Variants in RAB27A observed in about 807,000 individuals in gnomAD.
RAB27A encodes the protein ras-related protein Rab-27A.
A neutral mutation model predicts 20.8 loss-of-function variants in RAB27A; 17 were observed. The ratio of observed to expected loss-of-function variants is 0.82; its 90% CI spans 0.56 to 1.23. RAB27A has a LOEUF of 1.23. RAB27A is among the 50% of genes most tolerant of loss of function. The pLI is 0.00. For synonymous variants in RAB27A, 85 were observed against 92.8 expected, an observed-to-expected ratio of 0.92 and a Z score of 0.48; for missense variants, 277 against 266.7, an observed-to-expected ratio of 1.04 and a Z score of -0.27.
At chr15:55,275,142 C>T (rs545765194) in intron 1 of RAB27A, among the ~76,000 whole-genome samples, 1 of 151,524 alleles carries the variant, frequency 6.6e-6, no homozygotes, top group African/African-American at 2.4e-5. Flanking sequence ...ATCCCAGCTA[C>T]TTGGGAGGAT....
chr15:55,307,100 C>G (rs1433036769), intron 2 of RAB27A, among the ~76,000 whole-genome samples: 3 of 151,934 alleles, frequency 2.0e-5, no homozygotes, highest in African/African-American at 7.3e-5. Flanking sequence ...GGGTCCTCCC[C>G]AGGATGTGTC....
intron 2 of RAB27A, among the ~76,000 whole-genome samples, chr15:55,296,224 G>A (rs1031302805): frequency 6.6e-6 from 1 of 151,204 alleles, no homozygotes; most frequent in Non-Finnish European, 1.5e-5. Context: ...ACTTGGTGTG[G>A]GGCCTGACGC....
intron 5 of RAB27A, among the ~76,000 whole-genome samples, chr15:55,226,152 A>G (rs1056673644): frequency 3.3e-5 from 5 of 152,200 alleles, no homozygotes; most frequent in Non-Finnish European, 5.9e-5. Flanking sequence ...TTCCTTAGGA[A>G]ACACACTAGC....
At chr15:55,305,580 C>G (rs1431935598) in intron 2 of RAB27A, among the ~76,000 whole-genome samples, 3 of 152,092 alleles carry the variant, frequency 2.0e-5, no homozygotes, top group African/African-American at 7.2e-5. Context: ...GAGGAGGCCC[C>G]AAGTCCGGTG....
At chr15:55,299,999 T>C (rs555828172) in intron 2 of RAB27A, among the ~76,000 whole-genome samples, 1 of 151,944 alleles carries the variant, frequency 6.6e-6, no homozygotes, top group East Asian at 2.0e-4. Context: ...TTTTTGTATT[T>C]CTAGTAGAGA....
intron 2 of RAB27A, among the ~76,000 whole-genome samples, chr15:55,308,070 G>A (rs1191091570): frequency 1.3e-5 from 2 of 152,106 alleles, no homozygotes; most frequent in Non-Finnish European, 2.9e-5. Context: ...ACTGGGGCTT[G>A]GTTTCCCGGA....
chr15:55,207,169 G>C (rs1244205697), intron 6 of RAB27A, among the ~76,000 whole-genome samples: 30 of 152,196 alleles, frequency 2.0e-4, no homozygotes, highest in Admixed American at 1.9e-3. Context: ...GAGAAGAAAA[G>C]AGGAACTTGC....
chr15:55,236,735 T>C (rs1056009772), intron 2 of RAB27A, among the ~76,000 whole-genome samples: 1 of 152,198 alleles, frequency 6.6e-6, no homozygotes, highest in Non-Finnish European at 1.5e-5. Flanking sequence ...ACATAATATT[T>C]GTATATTTTT....
upstream of RAB27A, among the ~76,000 whole-genome samples, chr15:55,294,589 G>GAAAA (rs1181179911): frequency 2.5e-3 from 72 of 29,124 alleles, no homozygotes; most frequent in Non-Finnish European, 3.1e-3. Flanking sequence ...CCCTGTCTCC[G>GAAAA]AAAAAAAAAA....
intron 2 of RAB27A, among the ~76,000 whole-genome samples, chr15:55,258,621 T>G (rs371989756): frequency 6.6e-6 from 1 of 152,232 alleles, no homozygotes; most frequent in East Asian, 1.9e-4. Flanking sequence ...CAAATTGCTG[T>G]CCAATATAGT....
chr15:55,313,600 G>A (rs762853169), intron 2 of RAB27A, among the ~76,000 whole-genome samples: 13 of 152,028 alleles, frequency 8.6e-5, no homozygotes, highest in African/African-American at 1.4e-4. Flanking sequence ...TACGCCAGGC[G>A]CAGTGGCTCA....
chr15:55,264,439 G>A (rs567196224), intron 2 of RAB27A, among the ~76,000 whole-genome samples: 1 of 152,214 alleles, frequency 6.6e-6, no homozygotes, highest in South Asian at 2.1e-4. Context: ...TAGAATAGAT[G>A]GGGATCTGTT....
chr15:55,217,215 T>C (rs1895346186), intron 6 of RAB27A, among the ~76,000 whole-genome samples: 1 of 152,114 alleles, frequency 6.6e-6, no homozygotes, highest in Non-Finnish European at 1.5e-5. Context: ...TCTGAGCAAT[T>C]TGAGGCAGTA....
intron 4 of RAB27A, among the ~76,000 whole-genome samples, chr15:55,229,133 T>C (rs1326969409): frequency 6.6e-6 from 1 of 152,176 alleles, no homozygotes; most frequent in Admixed American, 6.5e-5. Flanking sequence ...AAGAATCTCT[T>C]GACTCAGACC....
chr15:55,272,122 C>A (rs1897726065), intron 1 of RAB27A, among the ~76,000 whole-genome samples: 1 of 152,176 alleles, frequency 6.6e-6, no homozygotes, highest in South Asian at 2.1e-4. Context: ...TCTCAACCAT[C>A]AGGATATATA....
At chr15:55,250,246 G>C (rs1204560686) in intron 2 of RAB27A, among the ~76,000 whole-genome samples, 2 of 152,044 alleles carry the variant, frequency 1.3e-5, no homozygotes, top group East Asian at 1.9e-4. Flanking sequence ...TTACAGACTT[G>C]AGCCACTGCG....
intron 2 of RAB27A, among the ~76,000 whole-genome samples, chr15:55,295,489 C>G (rs1201844294): frequency 6.6e-6 from 1 of 152,156 alleles, no homozygotes; most frequent in Non-Finnish European, 1.5e-5. Flanking sequence ...GTGGCACATC[C>G]ATATAATGGG....
At chr15:55,216,498 C>T (rs1325144980) in intron 6 of RAB27A, among the ~76,000 whole-genome samples, 1 of 152,090 alleles carries the variant, frequency 6.6e-6, no homozygotes, top group Non-Finnish European at 1.5e-5. Flanking sequence ...TGCTACTGCA[C>T]TCCAGCCTGA....
rs926691560 is a variant in RAB27A at position 55,205,220 on chromosome 15, T to G, written c.*287A>C. On this transcript the variant is annotated 3_prime_UTR_variant, in exon 7 of 7. Transcript: ENST00000336787. ...CATAATAAATACACTCTTCTGTGAC[T>G]GCAAAATTCTGAATCCTTGAATGAT... The G allele has an allele frequency of 8.9e-6, 4 of 449,630 alleles. No individual in the cohort carries two copies. Among genetic ancestry groups the G allele is most frequent in the Non-Finnish European group, 1.6e-5 (4 of 243,306 alleles). The allele number at this position is 449,630 out of a possible 1,614,324, so 27.9% of individuals were successfully genotyped here.
Sources: allele counts gnomAD v4.1 joint callset (sites outside exome capture counted in the v4.1 genomes callset), GRCh38; gene constraint gnomAD v4.1.1; transcripts MANE v1.5; gene names NCBI Gene and HGNC (gene_info 2026-07-23, HGNC 2026-07-21).